PNMA8A: variants seen among roughly 807,000 people sequenced by gnomAD.
PNMA8A encodes the protein paraneoplastic antigen-like protein 8A.
A neutral mutation model predicts 26.6 loss-of-function variants in PNMA8A; 17 were observed. That is an observed-to-expected ratio of 0.64 (90% confidence interval 0.44 to 0.96). The LOEUF (loss-of-function observed/expected upper bound fraction) is 0.96. PNMA8A is among the 40% of genes least tolerant of loss of function. The probability of loss-of-function intolerance (pLI) is 0.00; values close to 1 mark genes in which losing one functional copy is unlikely to be tolerated. For synonymous variants in PNMA8A, 224 were observed against 182.0 expected (o/e 1.23, Z -1.86); for missense variants, 532 against 488.4 (o/e 1.09, Z -0.84).
chr19:46,470,314 G>C lies in PNMA8A; in HGVS notation c.722C>G (p.Ser241Cys), dbSNP rs1568607458. The C allele has an allele frequency of 1.2e-6, 2 of 1,613,822 alleles. No individual in the cohort carries two copies. Among genetic ancestry groups the C allele is most frequent in the Non-Finnish European group, 1.7e-6 (2 of 1,180,032 alleles). ...GTTCTTCTTCTGCTTCTTTCTCCTG[G>C]AGCGAGACTTAGCTCCAGCCCTGCG... ...LVRRAGAKSR[S>C]RRKKQKKNSR... The change falls in exon 2 of 3, where the codon TCC becomes TGC. Residue 241 changes from serine to cysteine, a missense_variant. Coordinates refer to ENST00000313683, the MANE Select transcript of PNMA8A (RefSeq NM_018215.4).
At chr19:46,469,265 C>T (rs1969749412) in intron 2 of PNMA8A, among the ~76,000 whole-genome samples, 1 of 148,852 alleles carries the variant, frequency 6.7e-6, no homozygotes, top group African/African-American at 2.5e-5. Context: ...TGTGGCACCA[C>T]ACCCGGCTAA....
In PNMA8A at chr19:46,470,681, G is replaced by A. The variant is rs765826328; in HGVS notation, c.355C>T (p.Arg119Cys). 5 of 1,237,070 alleles carry A rather than the reference G, an allele frequency of 4.0e-6. No individual in the cohort carries two copies. Among genetic ancestry groups the A allele is most frequent in the South Asian group, 1.2e-5 (1 of 83,692 alleles). 76.6% of individuals were successfully genotyped at this position (1,237,070 alleles called of 1,614,324 possible). A position where few individuals can be genotyped will look rare whatever the true frequency, so the allele number is the denominator to read the frequency against. ...AGGCGGACCACATCCTCCCAGGTGCGCCCCTCGGCATCCAGGAATTCATTC... is the reference window on the plus strand; with the variant it reads ...AGGCGGACCACATCCTCCCAGGTGCACCCCTCGGCATCCAGGAATTCATTC... ...NLNEFLDAEG[R>C]TWEDVVRLLQ... Residue 119 changes from arginine (R) to cysteine (C), a missense_variant, in exon 2 of 3, where the codon CGC becomes TGC. Physicochemically the swap from Arg to Cys is radical, Grantham distance 180. Coordinates refer to ENST00000313683, the MANE Select transcript of PNMA8A (RefSeq NM_018215.4).
rs114902340 is a variant in PNMA8A, at chr19:46,469,890, G to T, written c.1146C>A (p.Gly382=). Residue 382 remains glycine (G), a synonymous_variant, in exon 2 of 3, where the codon GGC becomes GGA. Coordinates refer to ENST00000313683, the MANE Select transcript of PNMA8A (RefSeq NM_018215.4). ...VSYVLVDSED[G]RKKPVMPKKG... The stretch of plus-strand genomic sequence containing the variant: ...TCTTTGGCATCACCGGCTTCTTCCT[G>T]CCATCTTCTGAGTCAACCAAGACGT... 23 of 1,614,196 alleles carry T rather than the reference G, an allele frequency of 1.4e-5. 2 individuals carry two copies. In the East Asian group the frequency reaches 5.1e-4, roughly 36 times the overall value.
chr19:46,470,594 C>T lies in PNMA8A; in HGVS notation c.442G>A (p.Glu148Lys), dbSNP rs763817474. The T allele has an allele frequency of 3.6e-5, 58 of 1,613,888 alleles. No homozygotes were observed. Among genetic ancestry groups the T allele is most frequent in the Non-Finnish European group, 4.2e-5 (49 of 1,179,902 alleles). ...GCTCCCAGAAGCACCCCCAGAGCTT[C>T]TGCCCAGTTCTCTGGGGGCTGATGC... Reference protein sequence around the residue: ...NQHQPPENWAEALGVLLGAVV... With the variant: ...NQHQPPENWAKALGVLLGAVV... Residue 148 changes from glutamate to lysine, a missense_variant, in exon 2 of 3, where the codon GAA (glutamate) becomes AAA (lysine). By Grantham distance (56) the Glu-to-Lys change is moderately conservative. Coordinates refer to ENST00000313683, the MANE Select transcript of PNMA8A (RefSeq NM_018215.4).
Position 46,470,016 on chromosome 19 carries a change from GCCA to G in PNMA8A, c.1017_1019del (p.Gly340del). The G allele has an allele frequency of 6.2e-7, 1 of 1,602,028 alleles. No individual in the cohort carries two copies. Among genetic ancestry groups the G allele is most frequent in the South Asian group, 1.1e-5 (1 of 88,922 alleles). On this transcript the variant is annotated inframe_deletion, in exon 2 of 3. Coordinates refer to ENST00000313683, the MANE Select transcript of PNMA8A (RefSeq NM_018215.4). Reference sequence around the variant, plus strand: ...CCTTCTTCTTTGGTGGGCTTTCATGGCCACCATCTTGGTCTGACTCAGAGGCGC... The same window carrying G: ...CCTTCTTCTTTGGTGGGCTTTCATGGCCATCTTGGTCTGACTCAGAGGCGC...
At chr19:46,468,762 T>TGGG (rs1969741993) in intron 2 of PNMA8A, among the ~76,000 whole-genome samples, 185 bp from the exon 3 acceptor site, 1 of 151,424 alleles carries the variant, frequency 6.6e-6, no homozygotes, top group Admixed American at 6.6e-5. Flanking sequence ...ATATTTTTTT[T>TGGG]GGGGGGAGGG....
In PNMA8A at chr19:46,470,176, G is replaced by A. The variant is rs775108327; in HGVS notation, c.860C>T (p.Pro287Leu). ...ACAGGGCTTTCTGCTGCCCTTGATC[G>A]GCTCTGAGATCGCCATGCTTTCAGC... is the stretch of plus-strand genomic sequence containing the variant. ...GDAESMAISE[P>L]IKGSRKPCVN... is the part of the protein sequence containing the mutation. The change falls in exon 2 of 3, where the codon CCG becomes CTG. Residue 287 changes from proline to leucine, a missense_variant. Transcript: ENST00000313683. 35 of 1,613,986 alleles carry A rather than the reference G, an allele frequency of 2.2e-5. No homozygotes were observed. In the East Asian group the frequency reaches 5.1e-4, roughly 24 times the overall value.
At chr19:46,471,316 G>A (rs1399744513) in intron 1 of PNMA8A, 21 bp downstream of exon 1, 5 of 277,658 alleles carry the variant, frequency 1.8e-5, no homozygotes, top group East Asian at 1.3e-4. Context: ...CTGACGCTCC[G>A]CCTGCCCAGC....
Position 46,470,603 on chromosome 19 carries a change from T to A in PNMA8A, c.433A>T (p.Asn145Tyr), listed in dbSNP as rs1379335008. Reference protein sequence around the residue: ...LSQNQHQPPENWAEALGVLLG... With the variant: ...LSQNQHQPPEYWAEALGVLLG... ...AGCACCCCCAGAGCTTCTGCCCAGT[T>A]CTCTGGGGGCTGATGCTGGTTCTGG... The change falls in exon 2 of 3, where the codon AAC becomes TAC. Residue 145 changes from asparagine to tyrosine, a missense_variant. By Grantham distance (143) the Asn-to-Tyr change is moderately radical (BLOSUM62 -2). Transcript: ENST00000313683. 1.9e-6 allele frequency: 3 copies of A among 1,612,916 alleles called. No homozygotes were observed. Among genetic ancestry groups the A allele is most frequent in the Non-Finnish European group, 2.5e-6 (3 of 1,179,038 alleles).
In PNMA8A at chr19:46,470,802, A is replaced by T. The variant is rs1419499738; in HGVS notation, c.234T>A (p.Asn78Lys). The T allele has an allele frequency of 2.6e-6, 2 of 782,342 alleles. No homozygotes were observed. The highest frequency in any genetic ancestry group is 4.8e-6 in the Non-Finnish European group (2 of 419,310). 48.5% of individuals were successfully genotyped at this position (782,342 alleles called of 1,614,324 possible). ...AALIEVGEGV[N>K]LSTIPREFPG... is the part of the protein sequence containing the mutation. The stretch of plus-strand genomic sequence containing the variant: ...GGAATTCACGGGGGATGGTGCTCAG[A>T]TTCACACCTTCACCAACCTCAATGA... The change falls in exon 2 of 3, where the codon AAT becomes AAA. Residue 78 changes from asparagine to lysine, a missense_variant. By Grantham distance (94) the Asn-to-Lys change is moderately conservative (BLOSUM62 0). Transcript: ENST00000313683.
chr19:46,470,131 G>A lies in PNMA8A; in HGVS notation c.905C>T (p.Ala302Val), dbSNP rs1169803736. Reference sequence around the variant, plus strand: ...ACATTTCGCCATGGGCTTCTTCAAAGCCAACTCCTCCTTATTCACACAGGG... The same window carrying A: ...ACATTTCGCCATGGGCTTCTTCAAAACCAACTCCTCCTTATTCACACAGGG... ...RKPCVNKEEL[A>V]LKKPMAKCAW... Residue 302 changes from alanine (A) to valine (V), a missense_variant, in exon 2 of 3, where the codon GCT becomes GTT. Ala to Val is a moderately conservative substitution (Grantham distance 64). Transcript: ENST00000313683. The A allele has an allele frequency of 1.2e-6, 2 of 1,610,520 alleles. No homozygotes were observed. Among genetic ancestry groups the A allele is most frequent in the Non-Finnish European group, 1.7e-6 (2 of 1,178,582 alleles).
chr19:46,470,688 G>C lies in PNMA8A; in HGVS notation c.348C>G (p.Ala116=). 1 of 1,176,854 alleles carries C rather than the reference G, an allele frequency of 8.5e-7. No homozygotes were observed. The highest frequency in any genetic ancestry group is 1.7e-5 in the Admixed American group (1 of 59,460). 72.9% of individuals were successfully genotyped at this position (1,176,854 alleles called of 1,614,324 possible). A position where few individuals can be genotyped will look rare whatever the true frequency, so the allele number is the denominator to read the frequency against. Residue 116 remains alanine, a synonymous_variant, in exon 2 of 3, where the codon GCC becomes GCG. Coordinates refer to ENST00000313683, the MANE Select transcript of PNMA8A (RefSeq NM_018215.4). ...CCACATCCTCCCAGGTGCGCCCCTC[G>C]GCATCCAGGAATTCATTCAGATTTT... is the stretch of plus-strand genomic sequence containing the variant. ...FLKNLNEFLD[A]EGRTWEDVVR...
At position 46,471,131 on chromosome 19, in the gene PNMA8A, G is replaced by A. The variant is rs961727307; in HGVS notation, c.-79-17C>T. The A allele has an allele frequency of 1.1e-5, 7 of 637,364 alleles. No individual in the cohort carries two copies. The highest frequency in any genetic ancestry group is 2.5e-5 in the Admixed American group (1 of 39,658). The allele number at this position is 637,364 out of a possible 1,614,324, so 39.5% of individuals were successfully genotyped here. The stretch of plus-strand genomic sequence containing the variant: ...ACAGTAATCCTGCAAGGTGACAAGG[G>A]AGCGAGGTCACGTTCCCAGGAAGAT... On this transcript the variant is annotated splice_polypyrimidine_tract_variant and intron_variant, in intron 1 of 2. Transcript: ENST00000313683.
chr19:46,468,524 TG>T lies in PNMA8A; in HGVS notation c.*36del, dbSNP rs1555800771. The T allele has an allele frequency of 1.2e-6, 2 of 1,605,416 alleles. No homozygotes were observed. The highest frequency in any genetic ancestry group is 1.7e-6 in the Non-Finnish European group (2 of 1,172,276). On this transcript the variant is annotated 3_prime_UTR_variant, in exon 3 of 3. Transcript: ENST00000313683. ...CTTGGTTGACTTGGTACTTCTTCCT[TG>T]TTCTTTCAACTCCTCAGTATGGGTG...
At position 46,470,500 on chromosome 19, in the gene PNMA8A, GCCTCCTGGGCCCTGGCTT is replaced by G. The variant is rs761060447; in HGVS notation, c.518_535del (p.Glu173_Glu178del). 1 of 1,614,036 alleles carries G rather than the reference GCCTCCTGGGCCCTGGCTT, an allele frequency of 6.2e-7. No individual in the cohort carries two copies. Among genetic ancestry groups the G allele is most frequent in the South Asian group, 1.1e-5 (1 of 91,084 alleles). On this transcript the variant is annotated inframe_deletion, in exon 2 of 3. Transcript: ENST00000313683. ...GGCTGCCATCTCCTCGAATTCAGCGGCCTCCTGGGCCCTGGCTTCCTCCCGGCTGCGGATCTCGGCATC... is the reference window on the plus strand; with the variant it reads ...GGCTGCCATCTCCTCGAATTCAGCGGCCTCCCGGCTGCGGATCTCGGCATC...
chr19:46,469,657 C>A, intron 2 of PNMA8A, 76 bp downstream of exon 2: 1 of 1,461,278 alleles, frequency 6.8e-7, no homozygotes, highest in Non-Finnish European at 9.0e-7. Flanking sequence ...GCTCCTCTGC[C>A]CCACCTGCCA....
At chr19:46,468,816 T>C (rs1019934010) in intron 2 of PNMA8A, among the ~76,000 whole-genome samples, 3 of 151,766 alleles carry the variant, frequency 2.0e-5, no homozygotes, top group African/African-American at 7.3e-5. Context: ...AGTGCAGCAG[T>C]GTGATCTTGG....
At position 46,469,846 on chromosome 19, in the gene PNMA8A, C is replaced by T; in HGVS notation, c.1190G>A (p.Arg397Lys). Residue 397 changes from arginine (R) to lysine (K), a missense_variant, in exon 2 of 3, where the codon AGG becomes AAG. Coordinates refer to ENST00000313683, the MANE Select transcript of PNMA8A (RefSeq NM_018215.4). ...VMPKKGPGSR[R>K]EASDQKAPRG... The stretch of plus-strand genomic sequence containing the variant: ...AGGGGCCTTCTGATCTGATGCCTCC[C>T]TTCTTGAGCCTGGCCCTTTCTTTGG... 6.2e-7 allele frequency: 1 copy of T among 1,614,260 alleles called. No homozygotes were observed. The highest frequency in any genetic ancestry group is 1.7e-5 in the Admixed American group (1 of 60,030).
rs886484583 is a variant in PNMA8A, at chr19:46,468,466, G to C, written c.*95C>G. On this transcript the variant is annotated 3_prime_UTR_variant, in exon 3 of 3. Coordinates refer to ENST00000313683, the MANE Select transcript of PNMA8A (RefSeq NM_018215.4). ...ATCTCTATCAACAGGGGCCCTAAGA[G>C]AGTCCAAAGTCTTATTCAGTGACAA... 8.5e-7 allele frequency: 1 copy of C among 1,171,052 alleles called. No homozygotes were observed. The highest frequency in any genetic ancestry group is 1.3e-6 in the Non-Finnish European group (1 of 778,190). The allele number at this position is 1,171,052 out of a possible 1,614,324, so 72.5% of individuals were successfully genotyped here.
Sources: allele counts gnomAD v4.1 joint callset (sites outside exome capture counted in the v4.1 genomes callset), GRCh38; gene constraint gnomAD v4.1.1; transcripts MANE v1.5; gene names NCBI Gene and HGNC (gene_info 2026-07-23, HGNC 2026-07-21).